The following CFAP92 variants were observed in gnomAD, a reference collection of about 807,000 sequenced individuals.
CFAP92 encodes uncharacterized protein CFAP92.
A neutral mutation model predicts 106.3 loss-of-function variants in CFAP92; 86 were observed. The ratio of observed to expected loss-of-function variants is 0.81; its 90% CI spans 0.68 to 0.97. The LOEUF (loss-of-function observed/expected upper bound fraction) is 0.97, where lower values mean the gene tolerates loss of function less well. Ranked by LOEUF, CFAP92 falls within the 50% of genes least tolerant of loss-of-function variation. The probability of loss-of-function intolerance (pLI) is 0.00; values close to 1 mark genes in which losing one functional copy is unlikely to be tolerated. For missense variants in CFAP92, 1,204 were observed against 1,283.8 expected (o/e 0.94, Z 0.95); for synonymous variants, 477 against 506.4 (o/e 0.94, Z 0.78).
chr3:128,988,738 G>A lies in CFAP92; in HGVS notation c.443C>T (p.Ser148Leu), dbSNP rs1223408516. Residue 148 changes from serine to leucine, a missense_variant, in exon 3 of 16, where the codon TCA becomes TTA. Coordinates refer to ENST00000645291, the MANE Select transcript of CFAP92 (RefSeq NM_001394090.1). ...FPMVAKVFLE[S>L]GVKTVKPWHE... ...CACTCACACACGCACCTTTACTCCTGACTCCAGGAATACTTTGGCCACCAT... is the reference window on the plus strand; with the variant it reads ...CACTCACACACGCACCTTTACTCCTAACTCCAGGAATACTTTGGCCACCAT... 3 of 1,613,578 alleles carry A rather than the reference G, an allele frequency of 1.9e-6. No homozygotes were observed. In the South Asian group the frequency reaches 3.3e-5, roughly 18 times the overall value.
chr3:128,925,106 T>C (rs1937562699), intron 12 of CFAP92, among the ~76,000 whole-genome samples: 1 of 152,242 alleles, frequency 6.6e-6, no homozygotes, highest in Admixed American at 6.5e-5. Flanking sequence ...ATTAGTGATT[T>C]AGCAAAATAG....
At chr3:129,001,953 AC>A in intron 1 of CFAP92, 1 of 1,542,734 alleles carries the variant, frequency 6.5e-7, no homozygotes, top group African/African-American at 1.4e-5. Context: ...CAGAGATGTG[AC>A]CCCCGGGGAT....
chr3:128,992,922 C>T, intron 2 of CFAP92, 121 bp downstream of exon 2: 1 of 1,234,068 alleles, frequency 8.1e-7, no homozygotes, highest in Non-Finnish European at 1.2e-6. Context: ...TGGCACTGGC[C>T]AGCCCGCTTT....
chr3:128,999,336 T>C (rs1944598136), intron 1 of CFAP92, among the ~76,000 whole-genome samples: 1 of 152,124 alleles, frequency 6.6e-6, no homozygotes. Context: ...CTTACTTCCC[T>C]GAGCTGTAGG....
rs1396320736 is a variant in CFAP92 at position 128,935,265 on chromosome 3, C to G, written c.2313G>C (p.Leu771=). ...GGTCCCCATAGAGCCGGCTGCGGAACAGCAGCTGTGAGTTGTACAGCACCT... is the reference window on the plus strand; with the variant it reads ...GGTCCCCATAGAGCCGGCTGCGGAAGAGCAGCTGTGAGTTGTACAGCACCT... ...KYKVLYNSQL[L]FRSRLYGDLE... is the part of the protein sequence containing the mutation. Residue 771 remains leucine, a synonymous_variant, in exon 11 of 16, where the codon CTG becomes CTC. Coordinates refer to ENST00000645291, the MANE Select transcript of CFAP92 (RefSeq NM_001394090.1). 3 of 1,535,938 alleles carry G rather than the reference C, an allele frequency of 2.0e-6. No homozygotes were observed. The highest frequency in any genetic ancestry group is 2.6e-6 in the Non-Finnish European group (3 of 1,146,744).
chr3:129,013,264 A>T, the CFAP92 span, among the ~76,000 whole-genome samples: 1 of 152,326 alleles, frequency 6.6e-6, no homozygotes, highest in East Asian at 1.9e-4. Context: ...ATGACAAAAA[A>T]TAAAAGTATG....
rs749585668 is a variant in CFAP92, at chr3:128,987,773, A to T, written c.510T>A (p.Phe170Leu). Residue 170 changes from phenylalanine to leucine, a missense_variant, in exon 4 of 16, where the codon TTT becomes TTA. Physicochemically the swap from Phe to Leu is conservative, Grantham distance 22. Coordinates refer to ENST00000645291, the MANE Select transcript of CFAP92 (RefSeq NM_001394090.1). ...DKAWVSWEQT[F>L]NITVTKELLK... ...ATAATTCCTTTGTCACAGTGATATTAAAAGTCTGCTCCCACGACACCCAGG... is the reference window on the plus strand; with the variant it reads ...ATAATTCCTTTGTCACAGTGATATTTAAAGTCTGCTCCCACGACACCCAGG... 6.2e-7 allele frequency: 1 copy of T among 1,613,866 alleles called. No homozygotes were observed. The highest frequency in any genetic ancestry group is 8.5e-7 in the Non-Finnish European group (1 of 1,179,778).
At position 128,988,932 on chromosome 3, in the gene CFAP92, A is replaced by G; in HGVS notation, c.263-14T>C. 6.2e-7 allele frequency: 1 copy of G among 1,601,432 alleles called. No individual in the cohort carries two copies. Among genetic ancestry groups the G allele is most frequent in the Non-Finnish European group, 8.5e-7 (1 of 1,170,642 alleles). ...TTCCCTTCTGACCTTGAAGATACAG[A>G]TTGAAAAAGTCTCGTTTTAACCTCA... On this transcript the variant is annotated splice_polypyrimidine_tract_variant and intron_variant, in intron 2 of 15. Coordinates refer to ENST00000645291, the MANE Select transcript of CFAP92 (RefSeq NM_001394090.1).
intron 9 of CFAP92, among the ~76,000 whole-genome samples, chr3:128,959,553 G>T (rs1021787989): frequency 6.6e-6 from 1 of 152,176 alleles, no homozygotes; most frequent in Non-Finnish European, 1.5e-5. Context: ...CAGGAGACAG[G>T]GATCCAACCA....
At chr3:128,962,600 A>G (rs892767918) in intron 9 of CFAP92, among the ~76,000 whole-genome samples, 3 of 152,032 alleles carry the variant, frequency 2.0e-5, no homozygotes, top group Non-Finnish European at 4.4e-5. Context: ...CCACAAGTAT[A>G]AGAGACCTCT....
At chr3:129,015,197 C>A in the CFAP92 span, among the ~76,000 whole-genome samples, 1 of 152,182 alleles carries the variant, frequency 6.6e-6, no homozygotes, top group Non-Finnish European at 1.5e-5. Context: ...CACACTGACC[C>A]TCCAGGGCTC....
chr3:128,920,261 G>C (rs1298806465), intron 12 of CFAP92, among the ~76,000 whole-genome samples: 4 of 152,158 alleles, frequency 2.6e-5, no homozygotes, highest in African/African-American at 9.7e-5. Context: ...AAATTAGCTG[G>C]GTGTGGCAGT....
Position 128,915,557 on chromosome 3 carries a change from T to G in CFAP92, c.2923A>C (p.Arg975=), listed in dbSNP as rs955407372. The G allele has an allele frequency of 2.3e-5, 35 of 1,509,950 alleles. No homozygotes were observed. The highest frequency in any genetic ancestry group is 2.9e-5 in the Non-Finnish European group (33 of 1,134,090). 93.5% of individuals were successfully genotyped at this position (1,509,950 alleles called of 1,614,324 possible). A position where few individuals can be genotyped will look rare whatever the true frequency, so the allele number is the denominator to read the frequency against. The change falls in exon 14 of 16, where the codon AGA becomes CGA. Residue 975 remains arginine, a synonymous_variant. Transcript: ENST00000645291. The part of the protein sequence containing the change: ...ELYQEIAKEP[R]KRFTYSQDYL... The stretch of plus-strand genomic sequence containing the variant: ...TCCTGTGAGTACGTGAATCTCTTTC[T>G]TGGCTCCTAGAAATGGGGGCAGACA...
chr3:128,973,196 T>A (rs2107784486), intron 7 of CFAP92, among the ~76,000 whole-genome samples: 1 of 152,316 alleles, frequency 6.6e-6, no homozygotes, highest in Non-Finnish European at 1.5e-5. Context: ...CAATTTTTTT[T>A]AAACTAACAG....
intron 1 of CFAP92, chr3:129,002,541 C>T: frequency 1.1e-6 from 1 of 938,054 alleles, no homozygotes; most frequent in East Asian, 3.3e-5. Flanking sequence ...TATTCCATTC[C>T]TGAAAACCCC....
chr3:129,007,821 T>C, the CFAP92 span, among the ~76,000 whole-genome samples: 1 of 152,260 alleles, frequency 6.6e-6, no homozygotes, highest in Admixed American at 6.5e-5. Flanking sequence ...AGACCTGTAC[T>C]TTCTTTTTCA....
rs536619822 is a variant in CFAP92, at chr3:128,927,534, A to C, written c.2751+5166T>G. Among the ~76,000 whole-genome samples, 3 of 152,090 alleles carry C rather than the reference A, an allele frequency of 2.0e-5. No homozygotes were observed. In the East Asian group the frequency reaches 5.9e-4, roughly 30 times the overall value. ...CAGGAGATCGAGACCATCCTGGCTAACATGGTGAAACCCTGTCTCTAGTAA... is the reference window on the plus strand; with the variant it reads ...CAGGAGATCGAGACCATCCTGGCTACCATGGTGAAACCCTGTCTCTAGTAA... On this transcript the variant is annotated intron_variant, in intron 12 of 15. Transcript: ENST00000645291.
intron 8 of CFAP92, among the ~76,000 whole-genome samples, chr3:128,966,001 A>G (rs1466474434): frequency 1.3e-5 from 2 of 152,128 alleles, no homozygotes; most frequent in African/African-American, 4.8e-5. Context: ...AGGAACACCT[A>G]TGTGTGGGTG....
chr3:129,003,384 G>A, upstream of CFAP92: 1 of 704,716 alleles, frequency 1.4e-6, no homozygotes, highest in South Asian at 6.5e-5. Context: ...AGCCTCTAGT[G>A]AGCAGGCACG....
Sources: allele counts gnomAD v4.1 joint callset (sites outside exome capture counted in the v4.1 genomes callset), GRCh38; gene constraint gnomAD v4.1.1; transcripts MANE v1.5; gene names NCBI Gene and HGNC (gene_info 2026-07-23, HGNC 2026-07-21).